Variants in THRAP3 observed in about 807,000 individuals in gnomAD.
THRAP3 encodes the protein thyroid hormone receptor-associated protein 3.
A neutral mutation model predicts 101.0 loss-of-function variants in THRAP3; 16 were observed. That is an observed-to-expected ratio of 0.16 (90% confidence interval 0.11 to 0.24). The LOEUF (loss-of-function observed/expected upper bound fraction) is 0.24. THRAP3 is among the 10% of genes least tolerant of loss of function. The pLI is 1.00. For missense variants in THRAP3, 989 were observed against 1,202.7 expected (o/e 0.82, Z 2.63); for synonymous variants, 407 against 422.6 (o/e 0.96, Z 0.45).
At chr1:36,243,148 T>C (rs1645182596) in intron 1 of THRAP3, among the ~76,000 whole-genome samples, 1 of 131,028 alleles carries the variant, frequency 7.6e-6, no homozygotes, top group Non-Finnish European at 1.6e-5. Flanking sequence ...TGTGAGGAAC[T>C]TTCTTTTTTT....
chr1:36,259,187 A>G (rs948705901), intron 1 of THRAP3, among the ~76,000 whole-genome samples, 195 bp from the exon 2 acceptor site: 4 of 152,210 alleles, frequency 2.6e-5, no homozygotes, highest in African/African-American at 9.7e-5. Flanking sequence ...TTTGCTTTCC[A>G]TACTGTAGGA....
At chr1:36,222,354 G>A (rs1027083734), upstream of THRAP3, among the ~76,000 whole-genome samples, 1 of 152,070 alleles carries the variant, frequency 6.6e-6, no homozygotes, top group African/African-American at 2.4e-5. Context: ...TTGCTTTATT[G>A]TGGTGTTCTG....
At chr1:36,250,850 G>A (rs998787381) in intron 1 of THRAP3, among the ~76,000 whole-genome samples, 5 of 152,034 alleles carry the variant, frequency 3.3e-5, no homozygotes, top group Non-Finnish European at 7.4e-5. Context: ...GGGCTCAAGC[G>A]ATTCTTGTGC....
At chr1:36,247,451 A>G (rs905724708) in intron 1 of THRAP3, among the ~76,000 whole-genome samples, 1 of 151,826 alleles carries the variant, frequency 6.6e-6, no homozygotes, top group Non-Finnish European at 1.5e-5. Flanking sequence ...CAGCCTCCTC[A>G]GTGACTGGGA....
At position 36,289,087 on chromosome 1, in the gene THRAP3, T is replaced by C; in HGVS notation, c.1068T>C (p.Asn356=). Residue 356 remains asparagine (N), a synonymous_variant, in exon 5 of 12, where the codon AAT becomes AAC. Transcript: ENST00000354618. ...KRYLEEQKTE[N]GKDKEQKQTN... is the part of the protein sequence containing the mutation. ...ATCTAGAAGAGCAGAAGACAGAGAA[T>C]GGAAAAGATAAGGAACAGAAACAAA... 6.3e-7 allele frequency: 1 copy of C among 1,594,556 alleles called. No individual in the cohort carries two copies. The highest frequency in any genetic ancestry group is 1.8e-5 in the Admixed American group (1 of 55,488).
At chr1:36,209,769 T>C in the THRAP3 span, among the ~76,000 whole-genome samples, 1 of 152,188 alleles carries the variant, frequency 6.6e-6, no homozygotes, top group Non-Finnish European at 1.5e-5. Context: ...CCTTTGACTT[T>C]CCTGGGAATA....
intron 1 of THRAP3, among the ~76,000 whole-genome samples, chr1:36,233,112 G>GC (rs781432138): frequency 6.6e-6 from 1 of 151,318 alleles, no homozygotes; most frequent in Non-Finnish European, 1.5e-5. Context: ...CAGGTGATCT[G>GC]CCCCCTCGGC....
chr1:36,256,107 CTT>C (rs1330431881), intron 1 of THRAP3, among the ~76,000 whole-genome samples: 2 of 151,990 alleles, frequency 1.3e-5, no homozygotes, highest in Non-Finnish European at 2.9e-5. Flanking sequence ...GCCTCTGTCT[CTT>C]GGGCTCAGGC....
chr1:36,231,726 G>A (rs1645030047), intron 1 of THRAP3, among the ~76,000 whole-genome samples: 1 of 152,126 alleles, frequency 6.6e-6, no homozygotes, highest in African/African-American at 2.4e-5. Context: ...AGTTAACGAG[G>A]AAGTTTCTTT....
chr1:36,289,568 C>T lies in THRAP3; in HGVS notation c.1549C>T (p.Pro517Ser). Residue 517 changes from proline (P) to serine (S), a missense_variant, in exon 5 of 12, where the codon CCT becomes TCT. Coordinates refer to ENST00000354618, the MANE Select transcript of THRAP3 (RefSeq NM_005119.4). ...CGAAGGTGGGCACAGGGGCTTTGTG[C>T]CTGAGAAGAATTTCCGAGTGACTGC... is the stretch of plus-strand genomic sequence containing the variant. Reference protein sequence around the residue: ...RSEGGHRGFVPEKNFRVTAYK... With the variant: ...RSEGGHRGFVSEKNFRVTAYK... 6.2e-7 allele frequency: 1 copy of T among 1,613,972 alleles called. No individual in the cohort carries two copies. Among genetic ancestry groups the T allele is most frequent in the Non-Finnish European group, 8.5e-7 (1 of 1,179,970 alleles).
At chr1:36,247,721 CAT>C (rs1491127311) in intron 1 of THRAP3, among the ~76,000 whole-genome samples, 2 of 152,128 alleles carry the variant, frequency 1.3e-5, no homozygotes, top group Middle Eastern at 3.2e-3. Flanking sequence ...TGTATTGCCT[CAT>C]TTTTTTTGTG....
At chr1:36,220,968 A>ATATATATATAT (rs1371401171), upstream of THRAP3, among the ~76,000 whole-genome samples, 2 of 133,066 alleles carry the variant, frequency 1.5e-5, no homozygotes, top group African/African-American at 3.1e-5. Context: ...AAAAAAAAAA[A>ATATATATATAT]AAAAATATAT....
At chr1:36,219,305 C>T in the THRAP3 span, among the ~76,000 whole-genome samples, 7 of 152,156 alleles carry the variant, frequency 4.6e-5, no homozygotes, top group African/African-American at 1.2e-4. Context: ...ATGCCATCAC[C>T]GTTACATAAA....
At position 36,287,945 on chromosome 1, in the gene THRAP3, A is replaced by T. The variant is rs991901788; in HGVS notation, c.1040+675A>T. On this transcript the variant is annotated intron_variant, in intron 4 of 11. Coordinates refer to ENST00000354618, the MANE Select transcript of THRAP3 (RefSeq NM_005119.4). Reference sequence around the variant, plus strand: ...GGCAGAGAGGTTACAGGGAAGTTGCACTGGGACCAGGTTGTGGTCAAGAGG... The same window carrying T: ...GGCAGAGAGGTTACAGGGAAGTTGCTCTGGGACCAGGTTGTGGTCAAGAGG... The T allele has an allele frequency of 1.6e-5, 16 of 983,174 alleles. No individual in the cohort carries two copies. In the African/African-American group the frequency reaches 2.4e-4, roughly 15 times the overall value. 60.9% of individuals were successfully genotyped at this position (983,174 alleles called of 1,614,324 possible).
At position 36,277,476 on chromosome 1, in the gene THRAP3, A is replaced by T. The variant is rs1324301928; in HGVS notation, c.-31-5057A>T. Reference sequence around the variant, plus strand: ...CAGTCTCCCAACGTGCTGGGATTACAAGTGTGAACCACCACGCCTGGCTCA... The same window carrying T: ...CAGTCTCCCAACGTGCTGGGATTACTAGTGTGAACCACCACGCCTGGCTCA... On this transcript the variant is annotated intron_variant, in intron 2 of 11. Coordinates refer to ENST00000354618, the MANE Select transcript of THRAP3 (RefSeq NM_005119.4). Among the ~76,000 whole-genome samples, 4 of 151,874 alleles carry T rather than the reference A, an allele frequency of 2.6e-5. No individual in the cohort carries two copies. In the East Asian group the frequency reaches 5.8e-4, roughly 22 times the overall value.
intron 1 of THRAP3, among the ~76,000 whole-genome samples, chr1:36,233,927 T>C (rs1029084918): frequency 2.0e-5 from 3 of 152,178 alleles, no homozygotes; most frequent in Admixed American, 2.0e-4. Context: ...TATTTTATAC[T>C]TTGAGGCTCT....
At chr1:36,244,060 G>A (rs1405046760) in intron 1 of THRAP3, among the ~76,000 whole-genome samples, 3 of 151,902 alleles carry the variant, frequency 2.0e-5, no homozygotes, top group African/African-American at 4.8e-5. Flanking sequence ...GCGGCTGGCC[G>A]GGCAGAGGGG....
chr1:36,252,596 C>G (rs1645316051), intron 1 of THRAP3, among the ~76,000 whole-genome samples: 3 of 151,934 alleles, frequency 2.0e-5, no homozygotes, highest in Admixed American at 2.0e-4. Context: ...CAACTTTGCA[C>G]AAAGTTTTTA....
the THRAP3 span, among the ~76,000 whole-genome samples, chr1:36,213,943 GAAAGAAAGAAAGAAA>G: frequency 8.4e-6 from 1 of 118,706 alleles, no homozygotes; most frequent in Admixed American, 8.4e-5. Flanking sequence ...AAGAAAGAAA[GAAAGAAAGAAAGAAA>G]GAAGGAAAGA....
Sources: gnomAD v4.1 joint callset for allele counts (sites outside exome capture counted in the v4.1 genomes callset) on GRCh38, gnomAD v4.1.1 for gene constraint, MANE v1.5 for transcripts, NCBI Gene and HGNC (gene_info 2026-07-23, HGNC 2026-07-21) for gene names.